LRP2: variants seen among roughly 807,000 people sequenced by gnomAD.
The protein encoded by LRP2 is low-density lipoprotein receptor-related protein 2.
In LRP2, 172 loss-of-function variants were observed where a neutral mutation model predicts 531.0. That is an observed-to-expected ratio of 0.32 (90% CI 0.29 to 0.37). The LOEUF (loss-of-function observed/expected upper bound fraction) is 0.37, where lower values mean the gene tolerates loss of function less well. Among genes scored for constraint, LRP2 ranks in the 10% least tolerant of loss-of-function variants. LRP2 has a pLI of 1.00. For synonymous variants in LRP2, 1,992 were observed against 2,027.6 expected, an observed-to-expected ratio of 0.98 and a Z score of 0.47; for missense variants, 5,167 against 5,868.3, an observed-to-expected ratio of 0.88 and a Z score of 3.90.
In LRP2 at chr2:169,235,960, G is replaced by A; in HGVS notation, c.4800C>T (p.Pro1600=). Residue 1600 remains proline, a synonymous_variant, in exon 29 of 79, where the codon CCC becomes CCT. Transcript: ENST00000649046. The part of the protein sequence containing the change: ...TVIVQDKIFW[P]CGLTIDYPNR... The stretch of plus-strand genomic sequence containing the variant: ...TGGGGTAGTCAATAGTTAAGCCGCA[G>A]GGCCAGAAGATCTTGTCCTGGACAA... The A allele has an allele frequency of 6.2e-7, 1 of 1,614,210 alleles. No homozygotes were observed. The highest frequency in any genetic ancestry group is 8.5e-7 in the Non-Finnish European group (1 of 1,180,034).
rs77372555 is a variant in LRP2 at position 169,216,707 on chromosome 2, G to A, written c.5649-277C>T. Among the ~76,000 whole-genome samples the A allele has an allele frequency of 2.7e-3, 405 of 152,224 alleles. 1 individual carries two copies. Among genetic ancestry groups the A allele is most frequent in the African/African-American group, 9.1e-3 (380 of 41,538 alleles). On this transcript the variant is annotated intron_variant, in intron 34 of 78. Transcript: ENST00000649046. ...CCACTGGCAGCTGAACTTTTAGCAT[G>A]GTCAGGTGTGTGGGAAGCTTATGAC...
At position 169,291,007 on chromosome 2, in the gene LRP2, GA is replaced by G. The variant is rs1266671452; in HGVS notation, c.770-11del. On this transcript the variant is annotated splice_polypyrimidine_tract_variant and intron_variant, in intron 7 of 78. Coordinates refer to ENST00000649046, the MANE Select transcript of LRP2 (RefSeq NM_004525.3). ...TCATGAGGACCGCTTTCTGTGGGGG[GA>G]AAAAGAGAGAGTTACAGGCCATAGG... is the stretch of plus-strand genomic sequence containing the variant. 3 of 1,613,080 alleles carry G rather than the reference GA, an allele frequency of 1.9e-6. No individual in the cohort carries two copies. In the East Asian group the frequency reaches 6.7e-5, roughly 36 times the overall value.
chr2:169,301,978 T>C (rs1684296695), intron 4 of LRP2, among the ~76,000 whole-genome samples: 1 of 152,276 alleles, frequency 6.6e-6, no homozygotes, highest in Admixed American at 6.5e-5. Flanking sequence ...CATCCATTAC[T>C]ATTTTTAGGT....
chr2:169,181,448 T>C lies in LRP2; in HGVS notation c.10169A>G (p.Glu3390Gly). The change falls in exon 52 of 79, where the codon GAG becomes GGG. Residue 3390 changes from glutamate (E) to glycine (G), a missense_variant and splice_region_variant. This residue lies in a region of LRP2 where 1,129 missense variants were observed against 1,362.7 expected (regional missense o/e 0.83). Transcript: ENST00000649046. ...GTTTTATGCTTTTCTATGTACGTAC[T>C]CTATGTAACCCAGGTGGGCATCTGC... is the stretch of plus-strand genomic sequence containing the variant. ...YWADAHLGYI[E>G]YSDLEGHHRH... 3.1e-6 allele frequency: 5 copies of C among 1,613,848 alleles called. No individual in the cohort carries two copies. The highest frequency in any genetic ancestry group is 4.2e-6 in the Non-Finnish European group (5 of 1,179,682).
At chr2:169,260,539 A>C (rs373205825) in intron 16 of LRP2, among the ~76,000 whole-genome samples, 1 of 152,022 alleles carries the variant, frequency 6.6e-6, no homozygotes, top group Admixed American at 6.6e-5. Context: ...GTTGGTTTAG[A>C]GGTGATTGTA....
At chr2:169,328,736 A>G (rs1257677085) in intron 1 of LRP2, among the ~76,000 whole-genome samples, 2 of 151,858 alleles carry the variant, frequency 1.3e-5, no homozygotes, top group East Asian at 3.9e-4. Context: ...ACATTAACCA[A>G]CTCCCCCAAG....
intron 40 of LRP2, 149 bp from the exon 41 acceptor site, chr2:169,205,786 G>A (rs1688356702): frequency 1.1e-6 from 1 of 951,156 alleles, no homozygotes; most frequent in Non-Finnish European, 1.6e-6. Context: ...GTCCAAAGGA[G>A]ATCTAGTAAG....
rs2105516127 is a variant in LRP2 at position 169,320,768 on chromosome 2, C to T, written c.187+9G>A. The T allele has an allele frequency of 1.2e-6, 2 of 1,611,410 alleles. No individual in the cohort carries two copies. The highest frequency in any genetic ancestry group is 1.7e-6 in the Non-Finnish European group (2 of 1,177,492). On this transcript the variant is annotated intron_variant, in intron 2 of 78. Coordinates refer to ENST00000649046, the MANE Select transcript of LRP2 (RefSeq NM_004525.3). ...AAAATAGAACTTAGCCTGGCCCCTC[C>T]TCACTTACCGCAGCCAATTTCATCC...
intron 62 of LRP2, among the ~76,000 whole-genome samples, chr2:169,163,560 A>G (rs1686664185): frequency 6.6e-6 from 1 of 152,236 alleles, no homozygotes; most frequent in South Asian, 2.1e-4. Context: ...GAAAGCAAAG[A>G]AAAAAGCAGA....
intron 7 of LRP2, among the ~76,000 whole-genome samples, chr2:169,291,709 A>AG (rs1684003296): frequency 3.2e-4 from 1 of 3,152 alleles, no homozygotes; most frequent in Non-Finnish European, 7.8e-4. Context: ...TACACTTACC[A>AG]TCCCCAGCTC....
Position 169,129,571 on chromosome 2 carries a change from T to C in LRP2, c.13729-487A>G, listed in dbSNP as rs531538374. ...ATTCCCTCCTGTGTCACAATAATAA[T>C]AACAAAAACATCTAACATTTATTGA... On this transcript the variant is annotated intron_variant, in intron 77 of 78. Transcript: ENST00000649046. Among the ~76,000 whole-genome samples, 10 of 152,342 alleles carry C rather than the reference T, an allele frequency of 6.6e-5. No individual in the cohort carries two copies. In the South Asian group the frequency reaches 1.4e-3, roughly 22 times the overall value.
intron 9 of LRP2, among the ~76,000 whole-genome samples, chr2:169,283,754 T>C (rs911196214): frequency 6.6e-6 from 1 of 152,238 alleles, no homozygotes; most frequent in Non-Finnish European, 1.5e-5. Context: ...ACTCATTTAG[T>C]AAGTGTTCAT....
At chr2:169,355,942 G>A (rs182264785) in intron 1 of LRP2, among the ~76,000 whole-genome samples, 6 of 152,302 alleles carry the variant, frequency 3.9e-5, no homozygotes, top group East Asian at 1.9e-4. Context: ...TGAGGCTGGA[G>A]TGCAGTGGCA....
intron 20 of LRP2, 115 bp downstream of exon 20, chr2:169,247,263 A>G: frequency 8.7e-7 from 1 of 1,145,330 alleles, no homozygotes; most frequent in African/African-American, 1.6e-5. Context: ...ACAAGAATAT[A>G]AAACTACCAG....
chr2:169,173,928 C>T lies in LRP2; in HGVS notation c.11005G>A (p.Glu3669Lys). The T allele has an allele frequency of 1.9e-6, 3 of 1,614,158 alleles. No homozygotes were observed. In the African/African-American group the frequency reaches 4.0e-5, roughly 22 times the overall value. Reference sequence around the variant, plus strand: ...TCCCACAGGAACTTACTGCATTCTTCAATGGGCTCATCCGAGTGGTCTCCA... The same window carrying T: ...TCCCACAGGAACTTACTGCATTCTTTAATGGGCTCATCCGAGTGGTCTCCA... ...DCGDHSDEPI[E>K]ECMSSAHLCD... The change falls in exon 56 of 79, where the codon GAA (glutamate) becomes AAA (lysine). Residue 3669 changes from glutamate (E) to lysine (K), a missense_variant. Glu to Lys is a moderately conservative substitution (Grantham distance 56, BLOSUM62 1). This residue lies in a region of LRP2 where 311 missense variants were observed against 309.4 expected (regional missense o/e 1.01). Coordinates refer to ENST00000649046, the MANE Select transcript of LRP2 (RefSeq NM_004525.3).
In LRP2 at chr2:169,233,477, C is replaced by T. The variant is rs781016126; in HGVS notation, c.5032G>A (p.Val1678Ile). ...GGCCATTGAATATTATACATTACAACTGACTGGTTCCCTCCATGCCACTTG... is the reference window on the plus strand; with the variant it reads ...GGCCATTGAATATTATACATTACAATTGACTGGTTCCCTCCATGCCACTTG... ...ANKWHGGNQS[V>I]VMYNIQWPLG... The change falls in exon 30 of 79, where the codon GTT becomes ATT. Residue 1678 changes from valine (V) to isoleucine (I), a missense_variant. This residue lies in a region of LRP2 where 2,811 missense variants were observed against 3,058.0 expected (regional missense o/e 0.92). Coordinates refer to ENST00000649046, the MANE Select transcript of LRP2 (RefSeq NM_004525.3). 6.2e-7 allele frequency: 1 copy of T among 1,614,170 alleles called. No individual in the cohort carries two copies. The highest frequency in any genetic ancestry group is 1.1e-5 in the South Asian group (1 of 91,086).
intron 52 of LRP2, among the ~76,000 whole-genome samples, chr2:169,180,811 A>G (rs573728452): frequency 1.3e-5 from 2 of 152,390 alleles, no homozygotes; most frequent in African/African-American, 4.8e-5. Flanking sequence ...GGCCATAACT[A>G]GCAAAATTCA....
In LRP2 at chr2:169,191,972, C is replaced by T. The variant is rs149148763; in HGVS notation, c.8892G>A (p.Arg2964=). The stretch of plus-strand genomic sequence containing the variant: ...CACAGACCCAAGACTGGGGAATGCA[C>T]CTCCTGTCCGGAGGTCTGTCATTTA... ...LCVNDRPPDR[R]CIPQSWVCDG... Residue 2964 remains arginine, a synonymous_variant, in exon 48 of 79, where the codon AGG becomes AGA. Transcript: ENST00000649046. The T allele has an allele frequency of 6.6e-3, 10,715 of 1,614,188 alleles. 50 individuals are homozygous for T. The highest frequency in any genetic ancestry group is 8.2e-3 in the Non-Finnish European group (9,626 of 1,180,004).
intron 1 of LRP2, among the ~76,000 whole-genome samples, chr2:169,325,192 A>G (rs1447182653): frequency 1.3e-5 from 2 of 152,306 alleles, no homozygotes; most frequent in African/African-American, 4.8e-5. Flanking sequence ...GTGGTAGTCA[A>G]TGGAACATTG....
Sources: gnomAD v4.1 joint callset for allele counts (sites outside exome capture counted in the v4.1 genomes callset) on GRCh38, gnomAD v4.1.1 for gene constraint, gnomAD v4.1.1 regional missense constraint, MANE v1.5 for transcripts, NCBI Gene and HGNC (gene_info 2026-07-23, HGNC 2026-07-21) for gene names.